GFRA2: variants seen among roughly 807,000 people sequenced by gnomAD.
The protein encoded by GFRA2 is GDNF family receptor alpha 2, also known as GDNF family receptor alpha-2.
In GFRA2, 17 loss-of-function variants were observed where a neutral mutation model predicts 48.3. The observed-to-expected ratio is 0.35, with a 90% confidence interval of 0.24 to 0.53. The LOEUF (loss-of-function observed/expected upper bound fraction) is 0.53, where lower values mean the gene tolerates loss of function less well. Ranked by LOEUF, GFRA2 falls within the 20% of genes least tolerant of loss-of-function variation. The probability of loss-of-function intolerance (pLI) is 0.93; values close to 1 mark genes in which losing one functional copy is unlikely to be tolerated. For missense variants in GFRA2, 660 were observed against 637.3 expected, an observed-to-expected ratio of 1.04 and a Z score of -0.38; for synonymous variants, 305 against 257.2, an observed-to-expected ratio of 1.19 and a Z score of -1.78.
intron 3 of GFRA2, among the ~76,000 whole-genome samples, chr8:21,759,741 G>A (rs895475295): frequency 6.6e-6 from 1 of 151,600 alleles, no homozygotes; most frequent in Non-Finnish European, 1.5e-5. Context: ...ATACAAAAAT[G>A]AGCCGAGTGT....
chr8:21,809,142 G>C (rs1003239908), intron 1 of GFRA2, among the ~76,000 whole-genome samples: 2 of 152,172 alleles, frequency 1.3e-5, no homozygotes, highest in African/African-American at 4.8e-5. Flanking sequence ...CACGCAAGGA[G>C]TAAGTGAATA....
intron 3 of GFRA2, among the ~76,000 whole-genome samples, chr8:21,751,503 G>A (rs531798485): frequency 6.6e-6 from 1 of 151,972 alleles, no homozygotes; most frequent in Non-Finnish European, 1.5e-5. Flanking sequence ...CTGAAGCACT[G>A]TGTGGGCAAG....
At chr8:21,767,657 C>A (rs1460150390) in intron 3 of GFRA2, among the ~76,000 whole-genome samples, 1 of 152,242 alleles carries the variant, frequency 6.6e-6, no homozygotes, top group Non-Finnish European at 1.5e-5. Context: ...GCAGAGCCTG[C>A]CTCACACACG....
At chr8:21,804,315 A>G (rs1430559406) in intron 2 of GFRA2, among the ~76,000 whole-genome samples, 54 of 151,810 alleles carry the variant, frequency 3.6e-4, no homozygotes, top group Non-Finnish European at 6.9e-4. Context: ...AAGTCCCTTC[A>G]CCTCTCTGAA....
chr8:21,758,582 G>A (rs1727145205), intron 3 of GFRA2, among the ~76,000 whole-genome samples: 1 of 152,098 alleles, frequency 6.6e-6, no homozygotes, highest in African/African-American at 2.4e-5. Flanking sequence ...TAAAGAACGT[G>A]GGTCCTAATT....
intron 3 of GFRA2, among the ~76,000 whole-genome samples, chr8:21,769,588 T>C (rs1014540901): frequency 2.3e-3 from 356 of 152,260 alleles, no homozygotes; most frequent in African/African-American, 8.3e-3. Flanking sequence ...AAACGAGGAC[T>C]AGCCGGCCTC....
At chr8:21,805,965 G>C (rs766240700) in intron 1 of GFRA2, among the ~76,000 whole-genome samples, 5 of 152,218 alleles carry the variant, frequency 3.3e-5, no homozygotes, top group Non-Finnish European at 7.3e-5. Flanking sequence ...AGTTCCCTCA[G>C]GGAGAAGCCT....
intron 4 of GFRA2, among the ~76,000 whole-genome samples, chr8:21,744,138 C>A (rs1804877592): frequency 6.6e-6 from 1 of 152,120 alleles, no homozygotes; most frequent in Non-Finnish European, 1.5e-5. Context: ...AGAATCAAAC[C>A]CAGACCTGTC....
intron 4 of GFRA2, among the ~76,000 whole-genome samples, chr8:21,722,858 T>C (rs1349404759): frequency 6.6e-6 from 1 of 152,214 alleles, no homozygotes; most frequent in African/African-American, 2.4e-5. Flanking sequence ...GGCCTCCCCA[T>C]GTAGGCAGTG....
chr8:21,778,944 T>C (rs1806840047), intron 2 of GFRA2, among the ~76,000 whole-genome samples: 1 of 151,842 alleles, frequency 6.6e-6, no homozygotes, highest in African/African-American at 2.4e-5. Context: ...CCCACGCCTA[T>C]CATCCCACCA....
intron 3 of GFRA2, among the ~76,000 whole-genome samples, chr8:21,756,353 C>T (rs1414606904): frequency 2.6e-5 from 4 of 152,176 alleles, no homozygotes; most frequent in Non-Finnish European, 4.4e-5. Context: ...GAAGATACCC[C>T]GTGATCCTCC....
At chr8:21,712,906 C>G (rs1366579524) in intron 4 of GFRA2, among the ~76,000 whole-genome samples, 2 of 152,108 alleles carry the variant, frequency 1.3e-5, no homozygotes, top group African/African-American at 4.8e-5. Flanking sequence ...ACTCGGCAGG[C>G]TGAGGCAGGA....
Position 21,795,771 on chromosome 8 carries a change from G to A in GFRA2, c.-35-7577C>T, listed in dbSNP as rs907390702. On this transcript the variant is annotated intron_variant, in intron 2 of 10. Transcript: ENST00000517328. Reference sequence around the variant, plus strand: ...CATAGCCAGCAAGTGGCAGAGCTAAGGACTCATCCAGTGGGCTTTCCAATT... The same window carrying A: ...CATAGCCAGCAAGTGGCAGAGCTAAAGACTCATCCAGTGGGCTTTCCAATT... Among the ~76,000 whole-genome samples the A allele has an allele frequency of 1.4e-4, 21 of 152,322 alleles. No individual in the cohort carries two copies. In the East Asian group the frequency reaches 3.7e-3, roughly 27 times the overall value.
chr8:21,714,908 G>A (rs1163744307), intron 4 of GFRA2, among the ~76,000 whole-genome samples: 1 of 152,190 alleles, frequency 6.6e-6, no homozygotes, highest in African/African-American at 2.4e-5. Context: ...AATTACTCAT[G>A]ATAGGTTTCA....
chr8:21,760,408 T>C (rs1407214454), intron 3 of GFRA2, among the ~76,000 whole-genome samples: 2 of 152,114 alleles, frequency 1.3e-5, no homozygotes, highest in Non-Finnish European at 2.9e-5. Context: ...ATTCTGCATA[T>C]AATTTAGAGA....
intron 3 of GFRA2, among the ~76,000 whole-genome samples, chr8:21,771,717 T>C (rs1223497709): frequency 1.3e-5 from 2 of 152,100 alleles, no homozygotes; most frequent in African/African-American, 4.8e-5. Context: ...AAACAGATAG[T>C]AGCAACTGAG....
At chr8:21,725,438 A>T (rs990187840) in intron 4 of GFRA2, among the ~76,000 whole-genome samples, 3 of 152,348 alleles carry the variant, frequency 2.0e-5, no homozygotes, top group Non-Finnish European at 1.5e-5. Context: ...CAGTATGCTG[A>T]GCCAGCCCAG....
At chr8:21,810,948 C>T (rs1807967011) in intron 1 of GFRA2, among the ~76,000 whole-genome samples, 1 of 152,208 alleles carries the variant, frequency 6.6e-6, no homozygotes, top group South Asian at 2.1e-4. Flanking sequence ...TGGGGAGCCA[C>T]CTGACCTCCC....
chr8:21,757,767 G>A (rs576093135), intron 3 of GFRA2, among the ~76,000 whole-genome samples: 1 of 152,304 alleles, frequency 6.6e-6, no homozygotes, highest in Admixed American at 6.5e-5. Context: ...CTCCCAAAGT[G>A]CTGGGATTAC....
Sources: gnomAD v4.1 joint callset for allele counts (sites outside exome capture counted in the v4.1 genomes callset) on GRCh38, gnomAD v4.1.1 for gene constraint, MANE v1.5 for transcripts, NCBI Gene and HGNC (gene_info 2026-07-23, HGNC 2026-07-21) for gene names.